The following SYK variants were observed in gnomAD, a reference collection of about 807,000 sequenced individuals.
The protein encoded by SYK is tyrosine-protein kinase SYK.
In SYK, 16 loss-of-function variants were observed where a neutral mutation model predicts 77.8. That is an observed-to-expected ratio of 0.21 (90% CI 0.14 to 0.31). The LOEUF (loss-of-function observed/expected upper bound fraction) is 0.31, where lower values mean the gene tolerates loss of function less well. Among genes scored for constraint, SYK ranks in the 10% least tolerant of loss-of-function variants. The pLI is 1.00. For missense variants in SYK, 529 were observed against 814.4 expected (o/e 0.65, Z 4.26); for synonymous variants, 312 against 308.7 (o/e 1.01, Z -0.11).
At chr9:90,874,501 C>T (rs1002875302) in intron 8 of SYK, among the ~76,000 whole-genome samples, 171 bp from the exon 9 acceptor site, 3 of 152,194 alleles carry the variant, frequency 2.0e-5, no homozygotes, top group African/African-American at 7.2e-5. Context: ...TCTTTCCCAC[C>T]TCCCTCACCC....
At chr9:90,888,117 A>G (rs560965755) in intron 12 of SYK, among the ~76,000 whole-genome samples, 7 of 152,264 alleles carry the variant, frequency 4.6e-5, no homozygotes, top group Non-Finnish European at 1.0e-4. Context: ...TACACAAAAT[A>G]TAACCCAGAT....
chr9:90,884,153 G>GTGTATATA (rs1564119732), intron 11 of SYK, among the ~76,000 whole-genome samples: 2 of 100,774 alleles, frequency 2.0e-5, no homozygotes, highest in Non-Finnish European at 4.0e-5. Flanking sequence ...ATGTGTGTGT[G>GTGTATATA]TATATATACA....
chr9:90,813,556 A>G (rs1282166285), intron 1 of SYK, among the ~76,000 whole-genome samples: 1 of 152,156 alleles, frequency 6.6e-6, no homozygotes, highest in Non-Finnish European at 1.5e-5. Context: ...GTAGTACCCC[A>G]TCTGCAAAAT....
At chr9:90,817,080 T>G (rs2118364533) in intron 1 of SYK, among the ~76,000 whole-genome samples, 1 of 152,314 alleles carries the variant, frequency 6.6e-6, no homozygotes, top group Admixed American at 6.5e-5. Flanking sequence ...TTTTGTTTTG[T>G]TTTTTGCAAT....
intron 1 of SYK, among the ~76,000 whole-genome samples, chr9:90,836,776 G>A (rs1193023146): frequency 6.6e-6 from 1 of 152,234 alleles, no homozygotes; most frequent in African/African-American, 2.4e-5. Flanking sequence ...AAGGGTCACA[G>A]TGAGGCTGGA....
At chr9:90,807,095 A>T (rs1180969677) in intron 1 of SYK, among the ~76,000 whole-genome samples, 1 of 152,244 alleles carries the variant, frequency 6.6e-6, no homozygotes, top group Non-Finnish European at 1.5e-5. Context: ...GCATCTTCAG[A>T]GCCTTTGTGC....
intron 1 of SYK, among the ~76,000 whole-genome samples, chr9:90,836,548 C>T (rs1425244930): frequency 6.6e-6 from 1 of 152,196 alleles, no homozygotes; most frequent in African/African-American, 2.4e-5. Flanking sequence ...TTCATAGCCA[C>T]TTCCTGTTGC....
At chr9:90,881,785 G>C (rs926949751) in intron 11 of SYK, among the ~76,000 whole-genome samples, 5 of 151,870 alleles carry the variant, frequency 3.3e-5, no homozygotes, top group African/African-American at 7.3e-5. Context: ...GGGTAGATTT[G>C]TGCAGCATCA....
In SYK at chr9:90,861,143, G is replaced by A. The variant is rs555276302; in HGVS notation, c.579-1063G>A. ...AAACTGGGGGATTCGCACCCATTTC[G>A]TGCCTTTTCAGCCTCCACTGGGACC... is the stretch of plus-strand genomic sequence containing the variant. On this transcript the variant is annotated intron_variant, in intron 3 of 13. Coordinates refer to ENST00000375754, the MANE Select transcript of SYK (RefSeq NM_003177.7). Among the ~76,000 whole-genome samples the A allele has an allele frequency of 6.8e-4, 103 of 152,242 alleles. 2 individuals carry two copies. The South Asian group carries it at 0.019, about 29-fold the overall frequency.
intron 3 of SYK, among the ~76,000 whole-genome samples, chr9:90,860,197 A>C (rs1827203310): frequency 6.6e-6 from 1 of 152,240 alleles, no homozygotes; most frequent in South Asian, 2.1e-4. Flanking sequence ...TCACAGACGT[A>C]AAAGATTAAA....
chr9:90,831,686 A>C (rs1825899886), intron 1 of SYK, among the ~76,000 whole-genome samples: 1 of 152,246 alleles, frequency 6.6e-6, no homozygotes, highest in South Asian at 2.1e-4. Context: ...GCACTTTTGC[A>C]GTCATTTGTG....
rs745568763 is a variant in SYK at position 90,843,954 on chromosome 9, A to G, written c.56A>G (p.Asn19Ser). ...SANHLPFFFG[N>S]ITREEAEDYL... ...AACCACCTGCCCTTCTTTTTCGGCAACATCACCCGGGAGGAGGCAGAAGAT... is the reference window on the plus strand; with the variant it reads ...AACCACCTGCCCTTCTTTTTCGGCAGCATCACCCGGGAGGAGGCAGAAGAT... The change falls in exon 2 of 14, where the codon AAC becomes AGC. Residue 19 changes from asparagine (N) to serine (S), a missense_variant. This residue lies in a region of SYK where 321 missense variants were observed against 433.1 expected (regional missense o/e 0.74). Coordinates refer to ENST00000375754, the MANE Select transcript of SYK (RefSeq NM_003177.7). 4 of 1,577,930 alleles carry G rather than the reference A, an allele frequency of 2.5e-6. No homozygotes were observed. In the African/African-American group the frequency reaches 5.4e-5, roughly 21 times the overall value.
intron 11 of SYK, among the ~76,000 whole-genome samples, chr9:90,884,153 G>GTGTATA (rs1564119732): frequency 9.9e-6 from 1 of 100,820 alleles, no homozygotes; most frequent in South Asian, 3.1e-4. Context: ...ATGTGTGTGT[G>GTGTATA]TATATATACA....
intron 3 of SYK, among the ~76,000 whole-genome samples, chr9:90,853,636 C>T (rs910925354): frequency 3.9e-5 from 6 of 152,068 alleles, no homozygotes; most frequent in African/African-American, 1.4e-4. Context: ...AAAACAAACA[C>T]CGCATGTTCT....
At chr9:90,862,481 G>A (rs1425778918) in intron 4 of SYK, 137 bp downstream of exon 4, 5 of 1,054,642 alleles carry the variant, frequency 4.7e-6, no homozygotes, top group South Asian at 2.0e-5. Context: ...AGTAGCTCTG[G>A]AGCTCATGAG....
intron 3 of SYK, among the ~76,000 whole-genome samples, chr9:90,855,623 G>A (rs1826998822): frequency 6.6e-6 from 1 of 152,012 alleles, no homozygotes; most frequent in Non-Finnish European, 1.5e-5. Flanking sequence ...GGCCACCCAT[G>A]GAGCCCGTAA....
At chr9:90,861,043 AC>A (rs1295621759) in intron 3 of SYK, among the ~76,000 whole-genome samples, 3 of 152,088 alleles carry the variant, frequency 2.0e-5, no homozygotes, top group Admixed American at 2.0e-4. Context: ...CACCCTCAGA[AC>A]CTAAGATCTC....
chr9:90,813,435 TCCAGTTCCA>T (rs144259347), intron 1 of SYK, among the ~76,000 whole-genome samples: 17,389 of 152,120 alleles, frequency 0.11, 997 homozygotes, highest in East Asian at 0.17. Flanking sequence ...CCTGTAAACA[TCCAGTTCCA>T]AGAAGTGGCT....
intron 1 of SYK, among the ~76,000 whole-genome samples, chr9:90,816,328 C>T (rs770651227): frequency 6.6e-6 from 1 of 152,086 alleles, no homozygotes; most frequent in African/African-American, 2.4e-5. Context: ...TTCTGATTTT[C>T]GACAGAGACA....
Sources: allele counts gnomAD v4.1 joint callset (sites outside exome capture counted in the v4.1 genomes callset), GRCh38; gene constraint gnomAD v4.1.1; regional missense constraint gnomAD v4.1.1; transcripts MANE v1.5; gene names NCBI Gene and HGNC (gene_info 2026-07-23, HGNC 2026-07-21).